IQCC: variants seen among roughly 807,000 people sequenced by gnomAD.
IQCC encodes IQ motif containing C.
IQCC carries 23 observed loss-of-function variants against 27.0 expected under a neutral mutation model. The ratio of observed to expected loss-of-function variants is 0.85; its 90% CI spans 0.61 to 1.21. The LOEUF (loss-of-function observed/expected upper bound fraction) is 1.21. Among genes scored for constraint, IQCC ranks in the 50% most tolerant of loss-of-function variants. The pLI, the probability that IQCC is intolerant of heterozygous loss-of-function variation, is 0.00. For missense variants in IQCC, 552 were observed against 562.3 expected (o/e 0.98, Z 0.19); for synonymous variants, 220 against 217.2 (o/e 1.01, Z -0.11).
chr1:32,208,037 G>A lies in IQCC; in HGVS notation c.1356G>A (p.Glu452=). 1 of 1,613,868 alleles carries A rather than the reference G, an allele frequency of 6.2e-7. No homozygotes were observed. The highest frequency in any genetic ancestry group is 2.2e-5 in the East Asian group (1 of 44,894). ...CTACAAAGGCAGGCTGTACAGGAGA[G>A]GAACAGTGGAGGGGCAGGCCATGGA... is the stretch of plus-strand genomic sequence containing the variant. ...LSSTKAGCTG[E]EQWRGRPWKT... The change falls in exon 5 of 5, where the codon GAG becomes GAA. Residue 452 remains glutamate, a synonymous_variant. Transcript: ENST00000291358.
rs1276816731 is a variant in IQCC, at chr1:32,208,257, A to G, written c.*175A>G. On this transcript the variant is annotated 3_prime_UTR_variant, in exon 5 of 5. Coordinates refer to ENST00000291358, the MANE Select transcript of IQCC (RefSeq NM_018134.3). ...CAGAGAGCTGGCATGAGTATAGGGA[A>G]GGAGGAAGGACACATTTTCAATCCT... 1 of 650,562 alleles carries G rather than the reference A, an allele frequency of 1.5e-6. No individual in the cohort carries two copies. Among genetic ancestry groups the G allele is most frequent in the Non-Finnish European group, 2.6e-6 (1 of 386,312 alleles). 40.3% of individuals were successfully genotyped at this position (650,562 alleles called of 1,614,324 possible).
In IQCC at chr1:32,206,494, T is replaced by C; in HGVS notation, c.187-15T>C. ...GGTTTAGCCCTGGGGCTCTCACATC[T>C]CTCTTGTTTCTCAGAAGGCAAAATC... On this transcript the variant is annotated splice_polypyrimidine_tract_variant and intron_variant, in intron 2 of 4. Coordinates refer to ENST00000291358, the MANE Select transcript of IQCC (RefSeq NM_018134.3). 6.2e-7 allele frequency: 1 copy of C among 1,613,846 alleles called. No homozygotes were observed. The highest frequency in any genetic ancestry group is 8.5e-7 in the Non-Finnish European group (1 of 1,179,976).
chr1:32,207,172 T>C (rs1336036715), intron 4 of IQCC, 52 bp downstream of exon 4: 2 of 1,601,442 alleles, frequency 1.2e-6, no homozygotes, highest in African/African-American at 2.7e-5. Context: ...GGGTGGGGGT[T>C]AGGGAGAGAC....
In IQCC at chr1:32,205,693, G is replaced by T; in HGVS notation, c.12G>T (p.Glu4Asp). Residue 4 changes from glutamate (E) to aspartate (D), a missense_variant, in exon 1 of 5, where the codon GAG becomes GAT. Coordinates refer to ENST00000291358, the MANE Select transcript of IQCC (RefSeq NM_018134.3). The surrounding 1 kb of genome is among the most constrained non-coding windows in gnomAD (Gnocchi z 5.6). MEPELLVRKVSALQ... is the reference protein window; with the variant it reads MEPDLLVRKVSALQ... The stretch of plus-strand genomic sequence containing the variant: ...GGCAGTTGGCGCCCATGGAGCCAGA[G>T]CTGCTGGTTCGGAAGGTGTCTGCAT... 1 of 1,606,544 alleles carries T rather than the reference G, an allele frequency of 6.2e-7. No individual in the cohort carries two copies. Among genetic ancestry groups the T allele is most frequent in the Non-Finnish European group, 8.5e-7 (1 of 1,176,596 alleles).
rs760611364 is a variant in IQCC at position 32,207,886 on chromosome 1, C to T, written c.1205C>T (p.Pro402Leu). ...GTCCTCGATCTCTGGAGGACTAAAC[C>T]ACCCAAAGGCCAGGCCCCCACTGAT... ...HSVLDLWRTK[P>L]PKGQAPTDRS... Residue 402 changes from proline (P) to leucine (L), a missense_variant, in exon 5 of 5, where the codon CCA (proline) becomes CTA (leucine). Pro to Leu is a moderately conservative substitution (Grantham distance 98). Coordinates refer to ENST00000291358, the MANE Select transcript of IQCC (RefSeq NM_018134.3). The T allele has an allele frequency of 3.7e-6, 6 of 1,613,992 alleles. No homozygotes were observed. The East Asian group carries it at 1.3e-4, about 36-fold the overall frequency.
rs1643326817 is a variant in IQCC at position 32,206,153 on chromosome 1, G to T, written c.43-1G>T. 6.2e-7 allele frequency: 1 copy of T among 1,613,968 alleles called. No homozygotes were observed. Among genetic ancestry groups the T allele is most frequent in the Non-Finnish European group, 8.5e-7 (1 of 1,180,002 alleles). On this transcript the variant is annotated splice_acceptor_variant, in intron 1 of 4. Transcript: ENST00000291358. LOFTEE classifies it high-confidence loss of function. Reference sequence around the variant, plus strand: ...TTCTTTCCTCTCGTTCTCCATACCAGGCCTGCGTCCGGGGCTTCTTGGTCC... The same window carrying T: ...TTCTTTCCTCTCGTTCTCCATACCATGCCTGCGTCCGGGGCTTCTTGGTCC...
chr1:32,205,941 A>G lies in IQCC; in HGVS notation c.43-213A>G, dbSNP rs773331773. 1.1e-5 allele frequency: 17 copies of G among 1,552,136 alleles called. No individual in the cohort carries two copies. Among genetic ancestry groups the G allele is most frequent in the Non-Finnish European group, 1.4e-5 (16 of 1,147,500 alleles). ...TCCCACCACACGCTCGCGCCGGATC[A>G]GGGAAACGGGAAGAGCCTTAAGGCG... On this transcript the variant is annotated intron_variant, in intron 1 of 4. Transcript: ENST00000291358. The surrounding 1 kb of genome is among the most constrained non-coding windows in gnomAD (Gnocchi z 5.6).
chr1:32,207,221 A>G lies in IQCC; in HGVS notation c.559-19A>G. 1.2e-6 allele frequency: 2 copies of G among 1,613,478 alleles called. No homozygotes were observed. The highest frequency in any genetic ancestry group is 1.7e-6 in the Non-Finnish European group (2 of 1,179,570). The stretch of plus-strand genomic sequence containing the variant: ...CAAGCAGGCCTGCTTGGTACAATGT[A>G]TGTTCTCTCCCCCAACAGTACCTAC... On this transcript the variant is annotated intron_variant, in intron 4 of 4. Coordinates refer to ENST00000291358, the MANE Select transcript of IQCC (RefSeq NM_018134.3).
At position 32,207,614 on chromosome 1, in the gene IQCC, G is replaced by C; in HGVS notation, c.933G>C (p.Gly311=). 1 of 1,613,898 alleles carries C rather than the reference G, an allele frequency of 6.2e-7. No individual in the cohort carries two copies. Among genetic ancestry groups the C allele is most frequent in the African/African-American group, 1.3e-5 (1 of 75,034 alleles). ...GPDDGRQTFG[G]TCLLQMKILE... ...ACGATGGAAGACAGACCTTTGGAGG[G>C]ACCTGCCTGCTGCAGATGAAAATCC... Residue 311 remains glycine (G), a synonymous_variant, in exon 5 of 5, where the codon GGG becomes GGC. Transcript: ENST00000291358.
rs139065150 is a variant in IQCC, at chr1:32,207,112, C to T, written c.550C>T (p.Arg184Cys). Residue 184 changes from arginine (R) to cysteine (C), a missense_variant, in exon 4 of 5, where the codon CGT (arginine) becomes TGT (cysteine). Transcript: ENST00000291358. ...LLWLQQAINS[R>C]KEYLLLKQTL... ...GTGGCTGCAACAGGCCATCAATAGCCGTAAGGAGGTAACACTAACCTGGAA... is the reference window on the plus strand; with the variant it reads ...GTGGCTGCAACAGGCCATCAATAGCTGTAAGGAGGTAACACTAACCTGGAA... 1,853 of 1,607,122 alleles carry T rather than the reference C, an allele frequency of 1.2e-3. 3 individuals carry two copies. Among genetic ancestry groups the T allele is most frequent in the South Asian group, 1.7e-3 (153 of 90,372 alleles).
rs763880247 is a variant in IQCC, at chr1:32,205,677, C to G, written c.-5C>G. On this transcript the variant is annotated 5_prime_UTR_variant, in exon 1 of 5. Coordinates refer to ENST00000291358, the MANE Select transcript of IQCC (RefSeq NM_018134.3). This position sits in a 1 kb window ranked among gnomAD's most constrained non-coding sequence, Gnocchi z 5.6. ...GCGCGCGGGCGGGCCTGGCAGTTGG[C>G]GCCCATGGAGCCAGAGCTGCTGGTT... is the stretch of plus-strand genomic sequence containing the variant. The G allele has an allele frequency of 6.3e-7, 1 of 1,594,940 alleles. No individual in the cohort carries two copies. The highest frequency in any genetic ancestry group is 1.7e-5 in the Admixed American group (1 of 59,154).
rs1184327787 is a variant in IQCC at position 32,205,858 on chromosome 1, C to T, written c.42+135C>T. 1.3e-6 allele frequency: 2 copies of T among 1,553,780 alleles called. No individual in the cohort carries two copies. Among genetic ancestry groups the T allele is most frequent in the African/African-American group, 1.4e-5 (1 of 73,432 alleles). On this transcript the variant is annotated intron_variant, in intron 1 of 4. Transcript: ENST00000291358. This position sits in a 1 kb window ranked among gnomAD's most constrained non-coding sequence, Gnocchi z 5.6. ...GCCAACCTCTGGAGATACCGGCTGT[C>T]CCCAACCGCGCTGAGGAAAGCTGGG...
At chr1:32,207,157 G>A in intron 4 of IQCC, 37 bp downstream of exon 4, 2 of 1,598,158 alleles carry the variant, frequency 1.3e-6, no homozygotes, top group Non-Finnish European at 1.7e-6. Context: ...AACATTTAGG[G>A]TCAAGGGTGG....
In IQCC at chr1:32,208,161, TC is replaced by T. The variant is rs1643438066; in HGVS notation, c.*82del. On this transcript the variant is annotated 3_prime_UTR_variant, in exon 5 of 5. Transcript: ENST00000291358. ...CAGTGAGACAAGACCTCATCCTACC[TC>T]CCTGACCAGCTCTGGCTTCTGCTCC... is the stretch of plus-strand genomic sequence containing the variant. 1.4e-5 allele frequency: 20 copies of T among 1,426,308 alleles called. No individual in the cohort carries two copies. Among genetic ancestry groups the T allele is most frequent in the African/African-American group, 2.9e-5 (2 of 69,450 alleles). 88.4% of individuals were successfully genotyped at this position (1,426,308 alleles called of 1,614,324 possible). A position where few individuals can be genotyped will look rare whatever the true frequency, so the allele number is the denominator to read the frequency against.
At chr1:32,206,438 T>G in intron 2 of IQCC, 71 bp from the exon 3 acceptor site, 1 of 1,606,338 alleles carries the variant, frequency 6.2e-7, no homozygotes, top group Non-Finnish European at 8.5e-7. Context: ...CCAACTTGTC[T>G]GCTAGATCAT....
Position 32,207,898 on chromosome 1 carries a change from A to G in IQCC, c.1217A>G (p.Gln406Arg), listed in dbSNP as rs1238920035. 6.2e-7 allele frequency: 1 copy of G among 1,614,162 alleles called. No individual in the cohort carries two copies. Among genetic ancestry groups the G allele is most frequent in the Admixed American group, 1.7e-5 (1 of 60,024 alleles). Reference protein sequence around the residue: ...DLWRTKPPKGQAPTDRSSRDG... With the variant: ...DLWRTKPPKGRAPTDRSSRDG... ...TGGAGGACTAAACCACCCAAAGGCC[A>G]GGCCCCCACTGATAGAAGCTCCAGA... Residue 406 changes from glutamine to arginine, a missense_variant, in exon 5 of 5, where the codon CAG (glutamine) becomes CGG (arginine). Gln to Arg is a conservative substitution (Grantham distance 43). Coordinates refer to ENST00000291358, the MANE Select transcript of IQCC (RefSeq NM_018134.3).
Position 32,207,843 on chromosome 1 carries a change from G to C in IQCC, c.1162G>C (p.Gly388Arg), listed in dbSNP as rs368769892. 18 of 1,614,070 alleles carry C rather than the reference G, an allele frequency of 1.1e-5. No individual in the cohort carries two copies. The highest frequency in any genetic ancestry group is 8.0e-5 in the African/African-American group (6 of 75,004). ...EDHIIWDGTLGGPEHSVLDLW... is the reference protein window; with the variant it reads ...EDHIIWDGTLRGPEHSVLDLW... ...CCACATCATCTGGGATGGTACCTTG[G>C]GGGGGCCAGAGCATAGTGTCCTCGA... The change falls in exon 5 of 5, where the codon GGG becomes CGG. Residue 388 changes from glycine (G) to arginine (R), a missense_variant. Transcript: ENST00000291358.
rs765220511 is a variant in IQCC at position 32,207,236 on chromosome 1, A to G, written c.559-4A>G. 8.1e-6 allele frequency: 13 copies of G among 1,613,844 alleles called. No homozygotes were observed. The African/African-American group carries it at 1.1e-4, about 13-fold the overall frequency. On this transcript the variant is annotated splice_polypyrimidine_tract_variant and splice_region_variant and intron_variant, in intron 4 of 4. Transcript: ENST00000291358. ...GGTACAATGTATGTTCTCTCCCCCA[A>G]CAGTACCTACTTCTTAAACAAACAC...
chr1:32,206,000 G>A lies in IQCC; in HGVS notation c.43-154G>A. 1 of 1,576,322 alleles carries A rather than the reference G, an allele frequency of 6.3e-7. No homozygotes were observed. Among genetic ancestry groups the A allele is most frequent in the Non-Finnish European group, 8.6e-7 (1 of 1,159,646 alleles). ...CATCCAGTCTGGCATCGTCCCTCGA[G>A]CCCCCCGGAGCCCTAGCGCACAGCC... On this transcript the variant is annotated intron_variant, in intron 1 of 4. Coordinates refer to ENST00000291358, the MANE Select transcript of IQCC (RefSeq NM_018134.3). The surrounding 1 kb of genome is among the most constrained non-coding windows in gnomAD (Gnocchi z 5.6).
Sources: gnomAD v4.1 joint callset for allele counts on GRCh38, gnomAD v4.1.1 for gene constraint, Gnocchi (gnomAD v3.1) non-coding constraint, MANE v1.5 for transcripts, NCBI Gene and HGNC (gene_info 2026-07-23, HGNC 2026-07-21) for gene names.